Variants in ARHGEF33 observed in about 807,000 individuals in gnomAD.
ARHGEF33 encodes the protein Rho guanine nucleotide exchange factor 33.
Under a neutral mutation model 101.9 loss-of-function variants are expected in ARHGEF33, and 72 were observed. The observed-to-expected ratio is 0.71, with a 90% CI of 0.58 to 0.86. ARHGEF33 has a LOEUF of 0.86. Ranked by LOEUF, ARHGEF33 falls within the 40% of genes least tolerant of loss-of-function variation. The probability of loss-of-function intolerance (pLI) is 0.00; values close to 1 mark genes in which losing one functional copy is unlikely to be tolerated. For synonymous variants in ARHGEF33, 499 were observed against 442.5 expected, an observed-to-expected ratio of 1.13 and a Z score of -1.60; for missense variants, 1,169 against 1,111.3, an observed-to-expected ratio of 1.05 and a Z score of -0.74.
At chr2:38,892,125 G>A (rs1460746886) in intron 1 of ARHGEF33, among the ~76,000 whole-genome samples, 1 of 152,244 alleles carries the variant, frequency 6.6e-6, no homozygotes, top group African/African-American at 2.4e-5. Flanking sequence ...TCCATTTGAG[G>A]AAATCTCTAG....
At chr2:38,951,264 A>C (rs2124412813) in intron 11 of ARHGEF33, 143 bp downstream of exon 11, 1 of 807,122 alleles carries the variant, frequency 1.2e-6, no homozygotes, top group Non-Finnish European at 1.9e-6. Context: ...CATTCTACAT[A>C]CAGATCATGG....
At position 38,960,457 on chromosome 2, in the gene ARHGEF33, G is replaced by C; in HGVS notation, c.2152G>C (p.Ala718Pro). 6.7e-7 allele frequency: 1 copy of C among 1,494,502 alleles called. No homozygotes were observed. The highest frequency in any genetic ancestry group is 8.9e-7 in the Non-Finnish European group (1 of 1,128,620). The allele number at this position is 1,494,502 out of a possible 1,614,324, so 92.6% of individuals were successfully genotyped here. A position where few individuals can be genotyped will look rare whatever the true frequency, so the allele number is the denominator to read the frequency against. ...SLKEFPRAPP[A>P]DGVAPRLYST... ...CAAAGAGTTCCCGCGTGCGCCGCCA[G>C]CCGACGGCGTGGCCCCACGCCTCTA... The change falls in exon 16 of 18, where the codon GCC becomes CCC. Residue 718 changes from alanine to proline, a missense_variant. Physicochemically the swap from Ala to Pro is conservative, Grantham distance 27. Coordinates refer to ENST00000409978, the MANE Select transcript of ARHGEF33 (RefSeq NM_001145451.5).
chr2:38,918,888 A>AAG (rs1339172926), intron 2 of ARHGEF33, among the ~76,000 whole-genome samples: 1 of 151,658 alleles, frequency 6.6e-6, no homozygotes, highest in African/African-American at 2.4e-5. Flanking sequence ...AAAAAAAAAA[A>AAG]AAAAAAACAA....
chr2:38,952,346 A>G (rs753569945), intron 11 of ARHGEF33, among the ~76,000 whole-genome samples: 1 of 152,216 alleles, frequency 6.6e-6, no homozygotes, highest in African/African-American at 2.4e-5. Context: ...GAGAATTATT[A>G]TAACTTTAGA....
intron 2 of ARHGEF33, among the ~76,000 whole-genome samples, chr2:38,906,527 G>A (rs1024936077): frequency 6.6e-6 from 1 of 152,114 alleles, no homozygotes; most frequent in African/African-American, 2.4e-5. Context: ...TTAGCTCTAG[G>A]GAGGGCATGT....
Position 38,919,343 on chromosome 2 carries a change from C to A in ARHGEF33, c.-85-20C>A. The A allele has an allele frequency of 8.6e-7, 1 of 1,169,100 alleles. No individual in the cohort carries two copies. The highest frequency in any genetic ancestry group is 1.2e-6 in the Non-Finnish European group (1 of 801,452). 72.4% of individuals were successfully genotyped at this position (1,169,100 alleles called of 1,614,324 possible). On this transcript the variant is annotated intron_variant, in intron 2 of 17. Transcript: ENST00000409978. Reference sequence around the variant, plus strand: ...TGACAGTTTTACTTGTTATCCCTTACTCTTGATTTGAATTGACAGGTGCAG... The same window carrying A: ...TGACAGTTTTACTTGTTATCCCTTAATCTTGATTTGAATTGACAGGTGCAG...
At chr2:38,909,541 G>A (rs866388949) in intron 2 of ARHGEF33, among the ~76,000 whole-genome samples, 3 of 126,732 alleles carry the variant, frequency 2.4e-5, no homozygotes, top group Non-Finnish European at 3.3e-5. Context: ...GTTTTGCCAT[G>A]TTGCCCAGGC....
intron 11 of ARHGEF33, among the ~76,000 whole-genome samples, chr2:38,951,410 C>G (rs1483190895): frequency 6.6e-6 from 1 of 152,132 alleles, no homozygotes; most frequent in East Asian, 1.9e-4. Context: ...ATAACTGCCT[C>G]CATTGAATAC....
chr2:38,905,973 G>T (rs959310501), intron 2 of ARHGEF33, among the ~76,000 whole-genome samples: 1 of 152,134 alleles, frequency 6.6e-6, no homozygotes, highest in African/African-American at 2.4e-5. Flanking sequence ...GCCAGGTGTG[G>T]TGGCTCATGC....
intron 2 of ARHGEF33, among the ~76,000 whole-genome samples, chr2:38,903,217 C>A (rs1038430332): frequency 2.6e-5 from 4 of 151,794 alleles, no homozygotes; most frequent in African/African-American, 9.7e-5. Flanking sequence ...TAATTTTTAC[C>A]AATGGACAAT....
chr2:38,929,185 C>A, intron 5 of ARHGEF33, 114 bp downstream of exon 5: 1 of 708,788 alleles, frequency 1.4e-6, no homozygotes, highest in Non-Finnish European at 2.3e-6. Flanking sequence ...AATCCCAGCA[C>A]TTTGGGAGGC....
rs532453477 is a variant in ARHGEF33 at position 38,973,852 on chromosome 2, TA to T, written c.*12del. ...AAGGAACAGCTGTGTAAAACATACT[TA>T]AAGTTGTATTGTCAAGTGGTAAGAT... is the stretch of plus-strand genomic sequence containing the variant. On this transcript the variant is annotated 3_prime_UTR_variant, in exon 18 of 18. Coordinates refer to ENST00000409978, the MANE Select transcript of ARHGEF33 (RefSeq NM_001145451.5). The T allele has an allele frequency of 4.2e-4, 647 of 1,540,930 alleles. 12 individuals carry two copies. In the South Asian group the frequency reaches 7.1e-3, roughly 17 times the overall value.
chr2:38,963,447 C>T (rs1667989583), intron 16 of ARHGEF33, among the ~76,000 whole-genome samples: 1 of 152,204 alleles, frequency 6.6e-6, no homozygotes, highest in Non-Finnish European at 1.5e-5. Context: ...AGTCCTGGCT[C>T]TGCTGCACAG....
chr2:38,949,187 C>T (rs559517854), intron 10 of ARHGEF33, among the ~76,000 whole-genome samples: 1 of 152,244 alleles, frequency 6.6e-6, no homozygotes, highest in East Asian at 1.9e-4. Flanking sequence ...CCTATTGTTC[C>T]AACAAAGGTT....
intron 7 of ARHGEF33, among the ~76,000 whole-genome samples, chr2:38,932,423 G>A (rs375349436): frequency 2.7e-5 from 4 of 148,412 alleles, no homozygotes; most frequent in South Asian, 4.2e-4. Context: ...CACCGTGCCC[G>A]GCTTGCCTTT....
At position 38,960,707 on chromosome 2, in the gene ARHGEF33, G is replaced by C. The variant is rs1025031788; in HGVS notation, c.2343+59G>C. 5 of 1,231,168 alleles carry C rather than the reference G, an allele frequency of 4.1e-6. No homozygotes were observed. The African/African-American group carries it at 6.6e-5, about 16-fold the overall frequency. 76.3% of individuals were successfully genotyped at this position (1,231,168 alleles called of 1,614,324 possible). ...GACGGCCCCAGGCCTAGATCTGCAG[G>C]AAGCATCCCGAGTTCTCCTAGCGTG... is the stretch of plus-strand genomic sequence containing the variant. On this transcript the variant is annotated intron_variant, in intron 16 of 17. Transcript: ENST00000409978.
At chr2:38,961,494 A>G (rs912644276) in intron 16 of ARHGEF33, among the ~76,000 whole-genome samples, 1 of 152,176 alleles carries the variant, frequency 6.6e-6, no homozygotes, top group Non-Finnish European at 1.5e-5. Context: ...AATTGCTCTG[A>G]TCTGATTAAG....
At chr2:38,922,351 A>G (rs1380044094) in intron 4 of ARHGEF33, among the ~76,000 whole-genome samples, 2 of 152,130 alleles carry the variant, frequency 1.3e-5, no homozygotes, top group African/African-American at 2.4e-5. Flanking sequence ...TGCTCTCACA[A>G]GCAGAAATAC....
At chr2:38,898,910 A>G (rs1666180087) in intron 2 of ARHGEF33, among the ~76,000 whole-genome samples, 1 of 152,234 alleles carries the variant, frequency 6.6e-6, no homozygotes, top group Admixed American at 6.5e-5. Flanking sequence ...TCTTTGCCAA[A>G]GGGTAGTGCT....
Sources: gnomAD v4.1 joint callset for allele counts (sites outside exome capture counted in the v4.1 genomes callset) on GRCh38, gnomAD v4.1.1 for gene constraint, MANE v1.5 for transcripts, NCBI Gene and HGNC (gene_info 2026-07-23, HGNC 2026-07-21) for gene names.